Variants in GAREM1 observed in about 807,000 individuals in gnomAD.
The protein encoded by GAREM1 is GRB2 associated regulator of MAPK1 subtype 1, also known as GRB2-associated and regulator of MAPK protein 1.
In GAREM1, 26 loss-of-function variants were observed where a neutral mutation model predicts 71.3. The observed-to-expected ratio is 0.36, with a 90% CI of 0.27 to 0.51. GAREM1 has a LOEUF of 0.51. Ranked by LOEUF, GAREM1 falls within the 20% of genes least tolerant of loss-of-function variation. The pLI, the probability that GAREM1 is intolerant of heterozygous loss-of-function variation, is 0.95. For missense variants in GAREM1, 1,026 were observed against 1,103.1 expected (o/e 0.93, Z 0.99); for synonymous variants, 440 against 433.2 (o/e 1.02, Z -0.20).
rs1198720296 is a variant in GAREM1, at chr18:32,433,889, A to G, written c.121+36419T>C. Among the ~76,000 whole-genome samples, 3 of 152,192 alleles carry G rather than the reference A, an allele frequency of 2.0e-5. No individual in the cohort carries two copies. The East Asian group carries it at 5.8e-4, about 29-fold the overall frequency. On this transcript the variant is annotated intron_variant, in intron 1 of 5. Transcript: ENST00000269209. ...GTCCAAAATGATTTATAGAATTAGT[A>G]CAATTAAAATCTTGGCAGGTTTTTT...
chr18:32,314,488 G>A (rs747237730), intron 2 of GAREM1, among the ~76,000 whole-genome samples: 4 of 152,116 alleles, frequency 2.6e-5, no homozygotes, highest in Non-Finnish European at 2.9e-5. Context: ...ATGATATGAC[G>A]CATCCAAAGT....
intron 2 of GAREM1, among the ~76,000 whole-genome samples, chr18:32,363,278 T>TA (rs1293793579): frequency 2.0e-5 from 3 of 152,172 alleles, no homozygotes; most frequent in African/African-American, 7.2e-5. Flanking sequence ...TTAAGCAAAT[T>TA]AAAAACAACT....
intron 2 of GAREM1, among the ~76,000 whole-genome samples, chr18:32,315,501 A>G (rs1427009784): frequency 6.8e-6 from 1 of 147,558 alleles, no homozygotes; most frequent in Non-Finnish European, 1.5e-5. Flanking sequence ...AAATATATAA[A>G]AAAGTAGATA....
intron 1 of GAREM1, among the ~76,000 whole-genome samples, chr18:32,467,934 A>G (rs571805231): frequency 1.3e-5 from 2 of 152,224 alleles, no homozygotes; most frequent in Non-Finnish European, 2.9e-5. Context: ...AAAAACATGC[A>G]AAGAATCTAT....
intron 1 of GAREM1, among the ~76,000 whole-genome samples, chr18:32,440,688 G>A (rs935183595): frequency 6.6e-6 from 1 of 152,206 alleles, no homozygotes; most frequent in Non-Finnish European, 1.5e-5. Flanking sequence ...CTTACAGAAT[G>A]AGTGTCAGTA....
intron 1 of GAREM1, among the ~76,000 whole-genome samples, chr18:32,433,012 T>G (rs2048638582): frequency 1.3e-5 from 2 of 151,716 alleles, no homozygotes; most frequent in Admixed American, 1.3e-4. Context: ...CACACCAATA[T>G]CCCTCATAAA....
At chr18:32,453,194 A>G (rs969987255) in intron 1 of GAREM1, among the ~76,000 whole-genome samples, 1 of 152,142 alleles carries the variant, frequency 6.6e-6, no homozygotes, top group Non-Finnish European at 1.5e-5. Context: ...AAAAACCATC[A>G]GATCTGGTGA....
chr18:32,407,572 A>G (rs986180443), intron 1 of GAREM1, among the ~76,000 whole-genome samples: 1 of 152,178 alleles, frequency 6.6e-6, no homozygotes, highest in Admixed American at 6.5e-5. Context: ...TACTTGCCTA[A>G]TAGCCCTAGC....
Position 32,281,859 on chromosome 18 carries a change from A to ACTTCGG in GAREM1, c.1566+5171_1566+5172insCCGAAG, listed in dbSNP as rs1399370108. Reference sequence around the variant, plus strand: ...CCCAGATGGCCTGAAGTAACCGAAGAATCACAAAAGAAGTGAATATGCCCT... The same window carrying ACTTCGG: ...CCCAGATGGCCTGAAGTAACCGAAGACTTCGGATCACAAAAGAAGTGAATATGCCCT... On this transcript the variant is annotated intron_variant, in intron 4 of 5. Coordinates refer to ENST00000269209, the MANE Select transcript of GAREM1 (RefSeq NM_001242409.2). 1.2e-3 allele frequency among the ~76,000 whole-genome samples: 186 copies of ACTTCGG among 152,306 alleles called. 1 individual carries two copies. In the Middle Eastern group the frequency reaches 0.014, roughly 11 times the overall value.
chr18:32,351,438 T>G (rs868739358), intron 2 of GAREM1, among the ~76,000 whole-genome samples: 1 of 152,068 alleles, frequency 6.6e-6, no homozygotes, highest in African/African-American at 2.4e-5. Context: ...ATAAACAATA[T>G]ATTAATAAAG....
intron 4 of GAREM1, among the ~76,000 whole-genome samples, chr18:32,274,826 G>A (rs922546328): frequency 6.6e-6 from 1 of 152,108 alleles, no homozygotes; most frequent in Non-Finnish European, 1.5e-5. Context: ...GAGCTAAAAT[G>A]TAGGGACTGC....
At chr18:32,277,555 T>C (rs982283834) in intron 4 of GAREM1, among the ~76,000 whole-genome samples, 1 of 152,230 alleles carries the variant, frequency 6.6e-6, no homozygotes, top group Non-Finnish European at 1.5e-5. Flanking sequence ...GTGGAAGTGG[T>C]CAACAAAGTC....
At chr18:32,412,118 C>T (rs1158083103) in intron 1 of GAREM1, 1 of 841,882 alleles carries the variant, frequency 1.2e-6, no homozygotes, top group Non-Finnish European at 2.0e-6. Flanking sequence ...TAGGCCCTGC[C>T]ACCACTGTGC....
chr18:32,311,147 G>T (rs1241669269), intron 2 of GAREM1, among the ~76,000 whole-genome samples: 1 of 152,122 alleles, frequency 6.6e-6, no homozygotes, highest in East Asian at 1.9e-4. Flanking sequence ...CAGTATCTGT[G>T]ACCCTGCTAC....
intron 2 of GAREM1, among the ~76,000 whole-genome samples, chr18:32,329,094 G>A (rs535773438): frequency 5.3e-5 from 8 of 152,260 alleles, no homozygotes; most frequent in African/African-American, 1.7e-4. Flanking sequence ...ACTTCTGCCC[G>A]GCATGGTGGC....
chr18:32,345,736 T>C (rs1026833805), intron 2 of GAREM1, among the ~76,000 whole-genome samples: 5 of 152,200 alleles, frequency 3.3e-5, no homozygotes, highest in African/African-American at 9.7e-5. Context: ...TTGGGGCAAC[T>C]TGACCTGGAT....
In GAREM1 at chr18:32,287,793, C is replaced by G; in HGVS notation, c.804G>C (p.Gly268=). The G allele has an allele frequency of 6.2e-7, 1 of 1,613,656 alleles. No homozygotes were observed. Among genetic ancestry groups the G allele is most frequent in the South Asian group, 1.1e-5 (1 of 91,026 alleles). Residue 268 remains glycine, a synonymous_variant, in exon 4 of 6, where the codon GGG becomes GGC. Transcript: ENST00000269209. The surrounding 1 kb of genome is among the most constrained non-coding windows in gnomAD (Gnocchi z 5.9). ...GGATGTTCACAAACTTATAGCGGTG[C>G]CCCTCACGGATGAAGTGGAGGTCGT... is the stretch of plus-strand genomic sequence containing the variant. The part of the protein sequence containing the change: ...NPYDLHFIRE[G]HRYKFVNIQT...
intron 2 of GAREM1, among the ~76,000 whole-genome samples, chr18:32,353,000 T>C (rs933933131): frequency 6.6e-6 from 1 of 152,226 alleles, no homozygotes; most frequent in African/African-American, 2.4e-5. Context: ...GGCCAACTCA[T>C]ACAATCTTTC....
chr18:32,400,650 C>T (rs1409093966), intron 1 of GAREM1, among the ~76,000 whole-genome samples: 4 of 152,072 alleles, frequency 2.6e-5, no homozygotes, highest in Non-Finnish European at 4.4e-5. Context: ...GTTAGAATGG[C>T]GATCATTAAA....
Sources: allele counts gnomAD v4.1 joint callset (sites outside exome capture counted in the v4.1 genomes callset), GRCh38; gene constraint gnomAD v4.1.1; non-coding constraint Gnocchi (gnomAD v3.1); transcripts MANE v1.5; gene names NCBI Gene and HGNC (gene_info 2026-07-23, HGNC 2026-07-21).